The following RNF182 variants were observed in gnomAD, a reference collection of about 807,000 sequenced individuals.
RNF182 encodes ring finger protein 182, also known as E3 ubiquitin-protein ligase RNF182.
Under a neutral mutation model 14.4 loss-of-function variants are expected in RNF182, and 15 were observed. The ratio of observed to expected loss-of-function variants is 1.04; its 90% CI spans 0.70 to 1.60. The LOEUF is 1.60. Among genes scored for constraint, RNF182 ranks in the 40% most tolerant of loss-of-function variants. RNF182 has a pLI of 0.00. For missense variants in RNF182, 268 were observed against 294.8 expected (o/e 0.91, Z 0.67); for synonymous variants, 128 against 122.9 (o/e 1.04, Z -0.27).
chr6:13,932,276 A>G (rs1372132087), intron 1 of RNF182, among the ~76,000 whole-genome samples: 1 of 152,212 alleles, frequency 6.6e-6, no homozygotes, highest in African/African-American at 2.4e-5. Flanking sequence ...GAAAATTAAT[A>G]TTTATTTCAG....
At chr6:13,953,020 T>A (rs1254101541) in intron 1 of RNF182, among the ~76,000 whole-genome samples, 1 of 152,246 alleles carries the variant, frequency 6.6e-6, no homozygotes, top group Admixed American at 6.5e-5. Flanking sequence ...GGAATGTTAC[T>A]GCAAAACTTA....
At chr6:13,934,227 T>C (rs976087561) in intron 1 of RNF182, among the ~76,000 whole-genome samples, 2 of 152,174 alleles carry the variant, frequency 1.3e-5, no homozygotes, top group African/African-American at 4.8e-5. Flanking sequence ...TGTTGAATAG[T>C]GTAGTCCTAG....
chr6:13,959,500 T>TGGG (rs979419272), intron 1 of RNF182, among the ~76,000 whole-genome samples: 6 of 152,288 alleles, frequency 3.9e-5, no homozygotes, highest in African/African-American at 1.4e-4. Context: ...TAATTTATAG[T>TGGG]GGGGCAAGAT....
intron 1 of RNF182, among the ~76,000 whole-genome samples, chr6:13,968,368 A>G (rs936666403): frequency 6.6e-6 from 1 of 152,214 alleles, no homozygotes; most frequent in Non-Finnish European, 1.5e-5. Flanking sequence ...TTAACTGAGG[A>G]AGAAATGAAC....
chr6:13,966,293 T>C (rs1760026556), intron 1 of RNF182, among the ~76,000 whole-genome samples: 1 of 152,080 alleles, frequency 6.6e-6, no homozygotes, highest in Non-Finnish European at 1.5e-5. Context: ...GACCTTGAGA[T>C]ACAGGAAGAT....
chr6:13,962,050 G>T (rs1422938932), intron 1 of RNF182, among the ~76,000 whole-genome samples: 4 of 152,136 alleles, frequency 2.6e-5, no homozygotes, highest in Non-Finnish European at 5.9e-5. Context: ...CCTTAATTCT[G>T]AGACCATCGT....
At chr6:13,976,661 C>T (rs1337845886) in intron 2 of RNF182, among the ~76,000 whole-genome samples, 2 of 152,246 alleles carry the variant, frequency 1.3e-5, no homozygotes, top group African/African-American at 4.8e-5. Context: ...TAGCTCTACA[C>T]TGTCCTTTAC....
intron 1 of RNF182, among the ~76,000 whole-genome samples, chr6:13,926,608 GT>G (rs1758832086): frequency 6.6e-6 from 1 of 152,164 alleles, no homozygotes; most frequent in South Asian, 2.1e-4. Flanking sequence ...TAATAAAATC[GT>G]ACATTGATTA....
At chr6:13,943,368 G>T (rs1398022665) in intron 1 of RNF182, among the ~76,000 whole-genome samples, 2 of 151,148 alleles carry the variant, frequency 1.3e-5, no homozygotes, top group South Asian at 4.2e-4. Context: ...TGATCCTCCT[G>T]CCTCAGCCTT....
At chr6:13,944,629 T>C (rs1759389459) in intron 1 of RNF182, among the ~76,000 whole-genome samples, 1 of 152,204 alleles carries the variant, frequency 6.6e-6, no homozygotes, top group African/African-American at 2.4e-5. Context: ...CCTATCAGAA[T>C]TTAATGTCCA....
chr6:13,930,119 AT>A (rs1690128189), intron 1 of RNF182, among the ~76,000 whole-genome samples: 1 of 151,770 alleles, frequency 6.6e-6, no homozygotes, highest in South Asian at 2.1e-4. Context: ...ATTTGGAAAA[AT>A]ATTTGGAAAA....
intron 1 of RNF182, among the ~76,000 whole-genome samples, chr6:13,960,397 G>A (rs932300577): frequency 6.6e-6 from 1 of 152,088 alleles, no homozygotes; most frequent in African/African-American, 2.4e-5. Context: ...ATCCCAGCAC[G>A]TTGGGAGGCC....
chr6:13,929,512 C>T (rs965549097), intron 1 of RNF182, among the ~76,000 whole-genome samples: 5 of 152,134 alleles, frequency 3.3e-5, no homozygotes, highest in African/African-American at 4.8e-5. Context: ...TTACTGAGAA[C>T]TTGTTTAGTC....
chr6:13,963,492 T>G (rs1442940790), intron 1 of RNF182, among the ~76,000 whole-genome samples: 1 of 152,200 alleles, frequency 6.6e-6, no homozygotes, highest in Admixed American at 6.5e-5. Context: ...GTGGGGCACA[T>G]TCTTCAGCTG....
intron 1 of RNF182, among the ~76,000 whole-genome samples, chr6:13,968,244 A>G (rs574470740): frequency 6.6e-6 from 1 of 152,340 alleles, no homozygotes; most frequent in Non-Finnish European, 1.5e-5. Context: ...AAAAGAAACA[A>G]TCAGGGGCAG....
Position 13,978,797 on chromosome 6 carries a change from A to G in RNF182, c.*934A>G, listed in dbSNP as rs1178462430. The G allele has an allele frequency of 1.8e-5, 3 of 167,040 alleles. No individual in the cohort carries two copies. In the Admixed American group the frequency reaches 2.0e-4, roughly 11 times the overall value. 10.3% of individuals were successfully genotyped at this position (167,040 alleles called of 1,614,324 possible). A position where few individuals can be genotyped will look rare whatever the true frequency, so the allele number is the denominator to read the frequency against. ...TCCCTATTATATTTTTGGTTCTATT[A>G]GGATTTACTTAACTGAATCTTATAA... On this transcript the variant is annotated 3_prime_UTR_variant, in exon 3 of 3. Coordinates refer to ENST00000488300, the MANE Select transcript of RNF182 (RefSeq NM_152737.4).
At chr6:13,933,907 A>G (rs1319783950) in intron 1 of RNF182, among the ~76,000 whole-genome samples, 2 of 152,006 alleles carry the variant, frequency 1.3e-5, no homozygotes. Context: ...AGTCCCAGCT[A>G]CTCGGGAAGC....
At chr6:13,961,295 T>C (rs1352412386) in intron 1 of RNF182, among the ~76,000 whole-genome samples, 3 of 152,228 alleles carry the variant, frequency 2.0e-5, no homozygotes, top group African/African-American at 7.2e-5. Flanking sequence ...ATCCATTATT[T>C]CTAAATTTCT....
At chr6:13,929,493 T>C (rs1758913058) in intron 1 of RNF182, among the ~76,000 whole-genome samples, 2 of 152,232 alleles carry the variant, frequency 1.3e-5, no homozygotes, top group Admixed American at 1.3e-4. Flanking sequence ...TTTCTTCCTG[T>C]ATATTGGTTT....
Sources: allele counts gnomAD v4.1 joint callset (sites outside exome capture counted in the v4.1 genomes callset), GRCh38; gene constraint gnomAD v4.1.1; transcripts MANE v1.5; gene names NCBI Gene and HGNC (gene_info 2026-07-23, HGNC 2026-07-21).